The following CLNS1A variants were observed in gnomAD, a reference collection of about 807,000 sequenced individuals.
The protein encoded by CLNS1A is methylosome subunit pICln.
In CLNS1A, 16 loss-of-function variants were observed where a neutral mutation model predicts 29.4. The ratio of observed to expected loss-of-function variants is 0.54; its 90% CI spans 0.37 to 0.83. The LOEUF (loss-of-function observed/expected upper bound fraction) is 0.83, where lower values mean the gene tolerates loss of function less well. Ranked by LOEUF, CLNS1A falls within the 40% of genes least tolerant of loss-of-function variation. CLNS1A has a pLI of 0.00. For missense variants in CLNS1A, 235 were observed against 287.4 expected (o/e 0.82, Z 1.32); for synonymous variants, 96 against 104.8 (o/e 0.92, Z 0.51).
intron 4 of CLNS1A, among the ~76,000 whole-genome samples, chr11:77,623,328 G>A (rs1327140994): frequency 1.3e-5 from 2 of 152,126 alleles, no homozygotes; most frequent in African/African-American, 4.8e-5. Flanking sequence ...AGTGGCTGAC[G>A]TTTGTAATCC....
At chr11:77,624,635 C>CA (rs1483483777) in intron 4 of CLNS1A, among the ~76,000 whole-genome samples, 2 of 152,096 alleles carry the variant, frequency 1.3e-5, no homozygotes, top group Admixed American at 6.6e-5. Context: ...GCCTGACCAA[C>CA]ATGGAGAAAC....
At chr11:77,637,120 T>TC (rs1959134382) in intron 1 of CLNS1A, among the ~76,000 whole-genome samples, 1 of 150,632 alleles carries the variant, frequency 6.6e-6, no homozygotes, top group Non-Finnish European at 1.5e-5. Flanking sequence ...AAACTACGTA[T>TC]CCCAGAGAGG....
At chr11:77,619,039 T>C (rs1020981452) in intron 6 of CLNS1A, among the ~76,000 whole-genome samples, 4 of 152,200 alleles carry the variant, frequency 2.6e-5, no homozygotes, top group African/African-American at 9.7e-5. Flanking sequence ...GACAACAATT[T>C]AACAACAGCT....
intron 1 of CLNS1A, among the ~76,000 whole-genome samples, chr11:77,634,956 C>G (rs565244457): frequency 1.3e-5 from 2 of 151,964 alleles, no homozygotes; most frequent in Non-Finnish European, 2.9e-5. Flanking sequence ...CAACCACGAC[C>G]GGCTAATTTT....
intron 2 of CLNS1A, among the ~76,000 whole-genome samples, chr11:77,627,308 G>A (rs546797302): frequency 4.6e-5 from 7 of 151,374 alleles, no homozygotes; most frequent in South Asian, 2.1e-4. Flanking sequence ...GCGTGGTGGC[G>A]GGAGCCTGTA....
chr11:77,635,249 A>G (rs988854423), intron 1 of CLNS1A, among the ~76,000 whole-genome samples: 3 of 152,234 alleles, frequency 2.0e-5, no homozygotes, highest in African/African-American at 7.2e-5. Context: ...GGCTCAGAAA[A>G]AAAAGAAAAA....
At chr11:77,634,940 C>T (rs1404163934) in intron 1 of CLNS1A, among the ~76,000 whole-genome samples, 1 of 151,976 alleles carries the variant, frequency 6.6e-6, no homozygotes, top group Non-Finnish European at 1.5e-5. Context: ...CCACTACAGG[C>T]ACGTGCAACC....
At chr11:77,634,952 C>T (rs1029384400) in intron 1 of CLNS1A, among the ~76,000 whole-genome samples, 3 of 152,018 alleles carry the variant, frequency 2.0e-5, no homozygotes, top group Non-Finnish European at 4.4e-5. Context: ...CGTGCAACCA[C>T]GACCGGCTAA....
At chr11:77,616,873 A>G (rs1455849157) in intron 6 of CLNS1A, among the ~76,000 whole-genome samples, 178 bp from the exon 7 acceptor site, 2 of 152,238 alleles carry the variant, frequency 1.3e-5, no homozygotes, top group South Asian at 4.1e-4. Flanking sequence ...TGAGGATTAA[A>G]TAAGTTATAT....
At chr11:77,621,755 T>C (rs1958960410) in intron 5 of CLNS1A, 2 of 286,528 alleles carry the variant, frequency 7.0e-6, no homozygotes, top group South Asian at 3.6e-5. Context: ...GGTTATTTTT[T>C]AGATGAGATT....
At chr11:77,622,461 G>A in intron 5 of CLNS1A, 39 bp downstream of exon 5, 1 of 1,481,662 alleles carries the variant, frequency 6.7e-7, no homozygotes. Context: ...TATTGCCCAA[G>A]TGCTCATCTG....
At chr11:77,634,355 C>T (rs1012588369) in intron 1 of CLNS1A, among the ~76,000 whole-genome samples, 1 of 152,156 alleles carries the variant, frequency 6.6e-6, no homozygotes, top group Non-Finnish European at 1.5e-5. Flanking sequence ...AGATGAAGAA[C>T]GGCTGGACTG....
chr11:77,623,174 T>A (rs1006365546), intron 4 of CLNS1A, among the ~76,000 whole-genome samples: 1 of 152,114 alleles, frequency 6.6e-6, no homozygotes, highest in African/African-American at 2.4e-5. Context: ...AAAAAGTGTG[T>A]TCCTAAGGTC....
At chr11:77,623,607 T>C (rs892176117) in intron 4 of CLNS1A, among the ~76,000 whole-genome samples, 1 of 150,280 alleles carries the variant, frequency 6.7e-6, no homozygotes, top group African/African-American at 2.4e-5. Flanking sequence ...AAAAAAAAAA[T>C]TAGAAATTCT....
chr11:77,622,036 T>C (rs1958963362), intron 5 of CLNS1A: 10 of 456,320 alleles, frequency 2.2e-5, no homozygotes, highest in South Asian at 1.5e-4. Context: ...TTGGTGGGTG[T>C]GTGTATACCT....
At chr11:77,623,539 G>A (rs1958985261) in intron 4 of CLNS1A, among the ~76,000 whole-genome samples, 2 of 151,610 alleles carry the variant, frequency 1.3e-5, no homozygotes, top group Non-Finnish European at 2.9e-5. Context: ...TGCAGTGGGT[G>A]GAGAATGGTA....
rs1208345145 is a variant in CLNS1A at position 77,625,820 on chromosome 11, T to C, written c.263-2A>G. 1.3e-6 allele frequency: 2 copies of C among 1,560,390 alleles called. No homozygotes were observed. The highest frequency in any genetic ancestry group is 1.8e-6 in the Non-Finnish European group (2 of 1,133,878). On this transcript the variant is annotated splice_acceptor_variant, in intron 2 of 6. Transcript: ENST00000525428. LOFTEE classifies it high-confidence loss of function. ...CAGCAACAGGTTCTTTTGATTCTTC[T>C]AGAAAATAAAATACCCTTTTAATGT...
intron 6 of CLNS1A, among the ~76,000 whole-genome samples, chr11:77,617,570 C>T (rs1038813090): frequency 6.6e-6 from 1 of 150,726 alleles, no homozygotes; most frequent in Non-Finnish European, 1.5e-5. Flanking sequence ...AGACATTGTT[C>T]GGAATTCAGA....
chr11:77,636,757 C>T (rs1397610851), intron 1 of CLNS1A, among the ~76,000 whole-genome samples: 1 of 152,134 alleles, frequency 6.6e-6, no homozygotes, highest in African/African-American at 2.4e-5. Flanking sequence ...TTTTCTCTGG[C>T]TGTAGACAAG....
Sources: gnomAD v4.1 joint callset for allele counts (sites outside exome capture counted in the v4.1 genomes callset) on GRCh38, gnomAD v4.1.1 for gene constraint, MANE v1.5 for transcripts, NCBI Gene and HGNC (gene_info 2026-07-23, HGNC 2026-07-21) for gene names.